KCTD16: variants seen among roughly 807,000 people sequenced by gnomAD.
The protein encoded by KCTD16 is BTB/POZ domain-containing protein KCTD16.
A neutral mutation model predicts 33.2 loss-of-function variants in KCTD16; 13 were observed. The observed-to-expected ratio is 0.39, with a 90% CI of 0.25 to 0.62. KCTD16 has a LOEUF of 0.62. Ranked by LOEUF, KCTD16 falls within the 20% of genes least tolerant of loss-of-function variation. KCTD16 has a pLI of 0.50. For synonymous variants in KCTD16, 197 were observed against 195.3 expected (o/e 1.01, Z -0.07); for missense variants, 441 against 525.1 (o/e 0.84, Z 1.57).
intron 3 of KCTD16, among the ~76,000 whole-genome samples, chr5:144,444,895 G>A (rs1460675895): frequency 1.3e-5 from 2 of 149,142 alleles, no homozygotes; most frequent in East Asian, 1.9e-4. Context: ...TCAAATGTGT[G>A]TAATATAGTA....
intron 3 of KCTD16, among the ~76,000 whole-genome samples, chr5:144,232,971 G>A (rs918310305): frequency 1.3e-5 from 2 of 152,108 alleles, no homozygotes; most frequent in African/African-American, 4.8e-5. Flanking sequence ...TCCTAGGGTT[G>A]CATTTTAACG....
chr5:144,261,530 C>T (rs1268617801), intron 3 of KCTD16, among the ~76,000 whole-genome samples: 1 of 152,148 alleles, frequency 6.6e-6, no homozygotes, highest in African/African-American at 2.4e-5. Flanking sequence ...AGTGTTTTTA[C>T]AAATGTAAAT....
intron 3 of KCTD16, among the ~76,000 whole-genome samples, chr5:144,307,628 T>C (rs1751642053): frequency 6.6e-6 from 1 of 152,222 alleles, no homozygotes; most frequent in African/African-American, 2.4e-5. Flanking sequence ...TTTGAACCCA[T>C]TTATCTCTGA....
intron 3 of KCTD16, among the ~76,000 whole-genome samples, chr5:144,223,765 T>C (rs926097456): frequency 6.6e-6 from 1 of 152,148 alleles, no homozygotes; most frequent in African/African-American, 2.4e-5. Context: ...GTTTCCTGAC[T>C]TCGAGTTGCT....
intron 3 of KCTD16, among the ~76,000 whole-genome samples, chr5:144,240,183 T>C (rs192175103): frequency 7.8e-4 from 119 of 152,254 alleles, no homozygotes; most frequent in South Asian, 1.5e-3. Context: ...GTGTCTAAAG[T>C]CCATGGCATT....
At chr5:144,213,425 C>G (rs1399898629) in intron 3 of KCTD16, among the ~76,000 whole-genome samples, 4 of 142,218 alleles carry the variant, frequency 2.8e-5, no homozygotes, top group Non-Finnish European at 6.2e-5. Flanking sequence ...CTCTCTCTTT[C>G]TTTTTCTTTC....
intron 3 of KCTD16, among the ~76,000 whole-genome samples, chr5:144,246,913 A>G (rs542830741): frequency 1.3e-5 from 2 of 152,278 alleles, no homozygotes; most frequent in East Asian, 3.9e-4. Context: ...TCAGTTATAC[A>G]TTGGTTTGGC....
intron 1 of KCTD16, among the ~76,000 whole-genome samples, chr5:144,172,882 T>C (rs1752424989): frequency 6.6e-6 from 1 of 152,236 alleles, no homozygotes; most frequent in Non-Finnish European, 1.5e-5. Flanking sequence ...TAGTCTCTTT[T>C]GTTTTTTTCT....
At chr5:144,273,061 T>C (rs1755344350) in intron 3 of KCTD16, among the ~76,000 whole-genome samples, 1 of 152,168 alleles carries the variant, frequency 6.6e-6, no homozygotes, top group Non-Finnish European at 1.5e-5. Context: ...AGGAACTATT[T>C]ATCAATCATG....
intron 3 of KCTD16, among the ~76,000 whole-genome samples, chr5:144,345,464 G>C (rs1752771178): frequency 6.6e-6 from 1 of 152,148 alleles, no homozygotes; most frequent in Admixed American, 6.5e-5. Context: ...GGTAATTTCA[G>C]TCTGTAAGTT....
intron 3 of KCTD16, among the ~76,000 whole-genome samples, chr5:144,285,031 G>T (rs1755707078): frequency 6.6e-6 from 1 of 152,166 alleles, no homozygotes; most frequent in Non-Finnish European, 1.5e-5. Context: ...GACAGAAATT[G>T]CTTCACAAAA....
intron 3 of KCTD16, among the ~76,000 whole-genome samples, chr5:144,312,547 T>C (rs901042739): frequency 1.3e-5 from 2 of 152,188 alleles, no homozygotes; most frequent in African/African-American, 4.8e-5. Flanking sequence ...TAGTTAAGTA[T>C]ATAAATTCAG....
In KCTD16 at chr5:144,480,233, G is replaced by C. The variant is rs1224084920; in HGVS notation, c.*6119G>C. 6.6e-6 allele frequency: 1 copy of C among 151,806 alleles called. No homozygotes were observed. Among genetic ancestry groups the C allele is most frequent in the Non-Finnish European group, 1.5e-5 (1 of 67,884 alleles). The allele number at this position is 151,806 out of a possible 1,614,324, so 9.4% of individuals were successfully genotyped here. On this transcript the variant is annotated 3_prime_UTR_variant, in exon 4 of 4. Transcript: ENST00000512467. Reference sequence around the variant, plus strand: ...GATAATGTGCGTGGGAGTGCTATCCGAGTGCATGGAAAAAGCCTTTGGTTA... The same window carrying C: ...GATAATGTGCGTGGGAGTGCTATCCCAGTGCATGGAAAAAGCCTTTGGTTA...
At chr5:144,363,055 G>A (rs1463945777) in intron 3 of KCTD16, among the ~76,000 whole-genome samples, 1 of 152,096 alleles carries the variant, frequency 6.6e-6, no homozygotes, top group Non-Finnish European at 1.5e-5. Context: ...GTTCTTTGAA[G>A]AAAATGGTTT....
intron 3 of KCTD16, among the ~76,000 whole-genome samples, chr5:144,353,215 A>G (rs1017914847): frequency 1.3e-5 from 2 of 152,204 alleles, no homozygotes; most frequent in African/African-American, 4.8e-5. Context: ...GAGAAATCTT[A>G]CAATAAATTC....
intron 3 of KCTD16, among the ~76,000 whole-genome samples, chr5:144,320,808 C>G (rs1752051490): frequency 6.7e-6 from 1 of 149,716 alleles, no homozygotes; most frequent in South Asian, 2.1e-4. Flanking sequence ...ATAGATGGTT[C>G]AGACCATAAG....
At chr5:144,461,656 G>A (rs1461310608) in intron 3 of KCTD16, among the ~76,000 whole-genome samples, 1 of 152,162 alleles carries the variant, frequency 6.6e-6, no homozygotes, top group Non-Finnish European at 1.5e-5. Context: ...TGGTCGCTCT[G>A]TTGTGGCTCC....
At chr5:144,312,995 A>G (rs1751806815) in intron 3 of KCTD16, among the ~76,000 whole-genome samples, 1 of 152,238 alleles carries the variant, frequency 6.6e-6, no homozygotes, top group Admixed American at 6.5e-5. Flanking sequence ...TAGGTAGGAA[A>G]CGAAGAGTGG....
intron 3 of KCTD16, among the ~76,000 whole-genome samples, chr5:144,308,629 A>T (rs1751674014): frequency 6.6e-6 from 1 of 152,062 alleles, no homozygotes; most frequent in Non-Finnish European, 1.5e-5. Context: ...GTGGAGACAT[A>T]TGTCTATATG....
Sources: allele counts gnomAD v4.1 joint callset (sites outside exome capture counted in the v4.1 genomes callset), GRCh38; gene constraint gnomAD v4.1.1; transcripts MANE v1.5; gene names NCBI Gene and HGNC (gene_info 2026-07-23, HGNC 2026-07-21).